Variants in YES1 observed in about 807,000 individuals in gnomAD.
YES1 encodes the protein tyrosine-protein kinase Yes.
A neutral mutation model predicts 70.4 loss-of-function variants in YES1; 39 were observed. The observed-to-expected ratio is 0.55, with a 90% CI of 0.43 to 0.72. The LOEUF (loss-of-function observed/expected upper bound fraction) is 0.72, where lower values mean the gene tolerates loss of function less well. Among genes scored for constraint, YES1 ranks in the 30% least tolerant of loss-of-function variants. The pLI, the probability that YES1 is intolerant of heterozygous loss-of-function variation, is 0.00. For missense variants in YES1, 495 were observed against 644.8 expected, an observed-to-expected ratio of 0.77 and a Z score of 2.52; for synonymous variants, 198 against 218.6, an observed-to-expected ratio of 0.91 and a Z score of 0.83.
chr18:809,765 A>G (rs1907277792), intron 1 of YES1, among the ~76,000 whole-genome samples: 1 of 133,712 alleles, frequency 7.5e-6, no homozygotes, highest in Non-Finnish European at 1.5e-5. Flanking sequence ...TGGATTCCTT[A>G]AAAAAACAAC....
intron 9 of YES1, 95 bp downstream of exon 9, chr18:739,640 C>T: frequency 1.0e-6 from 1 of 961,816 alleles, no homozygotes; most frequent in Non-Finnish European, 1.5e-6. Context: ...AAAATCCCAC[C>T]ATTTCACTAC....
At position 742,948 on chromosome 18, in the gene YES1, T is replaced by C; in HGVS notation, c.1030A>G (p.Ile344Val). The change falls in exon 8 of 12, where the codon ATT becomes GTT. Residue 344 changes from isoleucine to valine, a missense_variant. By Grantham distance (29) the Ile-to-Val change is conservative (BLOSUM62 3). This residue lies in a region of YES1 where 385 missense variants were observed against 540.9 expected (regional missense o/e 0.71). Coordinates refer to ENST00000314574, the MANE Select transcript of YES1 (RefSeq NM_005433.4). ...GACATAAATTCAGTGACAATGTAAATTGGTTCTTCAGAAACAACAGCATAT... is the reference window on the plus strand; with the variant it reads ...GACATAAATTCAGTGACAATGTAAACTGGTTCTTCAGAAACAACAGCATAT... Reference protein sequence around the residue: ...PLYAVVSEEPIYIVTEFMSKG... With the variant: ...PLYAVVSEEPVYIVTEFMSKG... 1.3e-6 allele frequency: 2 copies of C among 1,599,380 alleles called. No individual in the cohort carries two copies. The highest frequency in any genetic ancestry group is 1.7e-6 in the Non-Finnish European group (2 of 1,176,380).
chr18:790,136 G>A (rs1018140777), intron 1 of YES1, among the ~76,000 whole-genome samples: 1 of 152,174 alleles, frequency 6.6e-6, no homozygotes, highest in African/African-American at 2.4e-5. Flanking sequence ...AGCACTTTGG[G>A]AGACCAAGGT....
chr18:745,711 T>G lies in YES1; in HGVS notation c.721A>C (p.Thr241Pro). ...TACCTTTGAAATATTCACATACCTG[T>G]GTAGTGTTTCACCAATTTCTGCAGA... ...DTLQKLVKHY[T>P]EHADGLCHKL... Residue 241 changes from threonine (T) to proline (P), a missense_variant, in exon 6 of 12, where the codon ACA becomes CCA. Physicochemically the swap from Thr to Pro is conservative, Grantham distance 38. Coordinates refer to ENST00000314574, the MANE Select transcript of YES1 (RefSeq NM_005433.4). 1 of 1,608,388 alleles carries G rather than the reference T, an allele frequency of 6.2e-7. No individual in the cohort carries two copies. Among genetic ancestry groups the G allele is most frequent in the Non-Finnish European group, 8.5e-7 (1 of 1,178,602 alleles).
intron 11 of YES1, among the ~76,000 whole-genome samples, chr18:731,699 G>A (rs569367657): frequency 6.6e-6 from 1 of 152,230 alleles, no homozygotes; most frequent in South Asian, 2.1e-4. Flanking sequence ...CAGGCACGGT[G>A]GCTCACGCCT....
intron 3 of YES1, 147 bp from the exon 4 acceptor site, chr18:748,165 A>C (rs1392630305): frequency 1.6e-6 from 1 of 633,142 alleles, no homozygotes; most frequent in Admixed American, 2.6e-5. Flanking sequence ...TTAAACTCAA[A>C]GAATGATATT....
intron 1 of YES1, among the ~76,000 whole-genome samples, chr18:757,147 C>A (rs1057426922): frequency 2.6e-5 from 4 of 152,208 alleles, no homozygotes; most frequent in Non-Finnish European, 5.9e-5. Context: ...TGAATCCTGG[C>A]TTCCTACTTA....
upstream of YES1, chr18:812,479 C>T (rs1422872258): frequency 1.3e-5 from 2 of 152,154 alleles, no homozygotes; most frequent in Non-Finnish European, 1.5e-5. Context: ...GTCAGGTCCC[C>T]TCCGCGGGCT....
intron 1 of YES1, among the ~76,000 whole-genome samples, chr18:808,186 G>C (rs572826508): frequency 2.1e-4 from 32 of 152,280 alleles, no homozygotes; most frequent in African/African-American, 7.7e-4. Flanking sequence ...CAAGACAACA[G>C]TAGTGCTGCT....
At chr18:779,019 G>C (rs1309389653) in intron 1 of YES1, among the ~76,000 whole-genome samples, 2 of 152,046 alleles carry the variant, frequency 1.3e-5, no homozygotes, top group Non-Finnish European at 2.9e-5. Flanking sequence ...TGACCTTAAA[G>C]TAACCCAACT....
intron 1 of YES1, among the ~76,000 whole-genome samples, chr18:790,607 A>T (rs1906196384): frequency 6.6e-6 from 1 of 152,224 alleles, no homozygotes; most frequent in Non-Finnish European, 1.5e-5. Context: ...AGGGTACTAG[A>T]GCCACAGATG....
intron 1 of YES1, among the ~76,000 whole-genome samples, chr18:793,957 AC>A (rs1349060612): frequency 6.6e-6 from 1 of 152,200 alleles, no homozygotes; most frequent in Admixed American, 6.5e-5. Flanking sequence ...GTTCTCTCTT[AC>A]AGAATCCCAA....
At chr18:745,611 TA>T in intron 6 of YES1, 96 bp downstream of exon 6, 2 of 1,187,420 alleles carry the variant, frequency 1.7e-6, no homozygotes, top group Non-Finnish European at 2.4e-6. Context: ...TATGTGTAAA[TA>T]AGTGTGTTAA....
intron 10 of YES1, among the ~76,000 whole-genome samples, chr18:733,462 T>C (rs572735083): frequency 6.6e-6 from 1 of 152,274 alleles, no homozygotes; most frequent in East Asian, 1.9e-4. Context: ...GTGGAGGGCA[T>C]TATGCTAATC....
In YES1 at chr18:756,508, C is replaced by T. The variant is rs754184668; in HGVS notation, c.271+49G>A. ...AGACAAGCCTTAAGTATATATTACC[C>T]AAGGTGATGTTCTCAAACAGACAAC... On this transcript the variant is annotated intron_variant, in intron 2 of 11. Coordinates refer to ENST00000314574, the MANE Select transcript of YES1 (RefSeq NM_005433.4). 7 of 1,600,644 alleles carry T rather than the reference C, an allele frequency of 4.4e-6. No individual in the cohort carries two copies. The Admixed American group carries it at 8.4e-5, about 19-fold the overall frequency.
intron 1 of YES1, among the ~76,000 whole-genome samples, chr18:786,215 A>G (rs1211599920): frequency 6.7e-6 from 1 of 149,422 alleles, no homozygotes; most frequent in East Asian, 2.0e-4. Flanking sequence ...TGGTCTCCAC[A>G]CAGGAATTAC....
chr18:757,869 T>TA lies in YES1; in HGVS notation c.-8-1035dup, dbSNP rs777600210. 4.2e-3 allele frequency among the ~76,000 whole-genome samples: 593 copies of TA among 142,124 alleles called. 4 individuals are homozygous for TA. Among genetic ancestry groups the TA allele is most frequent in the African/African-American group, 0.013 (511 of 38,814 alleles). The allele number at this position is 142,124 out of a possible 152,430, so 93.2% of individuals were successfully genotyped here. ...GCATCTGGGTGATAAAATTATCTGTTAAAAAAAAAAGAAAAAGAAAGAAAA... is the reference window on the plus strand; with the variant it reads ...GCATCTGGGTGATAAAATTATCTGTTAAAAAAAAAAAGAAAAAGAAAGAAAA... On this transcript the variant is annotated intron_variant, in intron 1 of 11. Coordinates refer to ENST00000314574, the MANE Select transcript of YES1 (RefSeq NM_005433.4).
chr18:768,717 T>C (rs1164213951), intron 1 of YES1, among the ~76,000 whole-genome samples: 1 of 151,948 alleles, frequency 6.6e-6, no homozygotes, highest in Non-Finnish European at 1.5e-5. Flanking sequence ...ATTTATTTAT[T>C]TTTGAGACAG....
At chr18:747,626 T>G (rs748267139) in intron 4 of YES1, among the ~76,000 whole-genome samples, 1 of 152,068 alleles carries the variant, frequency 6.6e-6, no homozygotes, top group Non-Finnish European at 1.5e-5. Context: ...ATTTTTGAAG[T>G]GAGACAGTCT....
Sources: allele counts gnomAD v4.1 joint callset (sites outside exome capture counted in the v4.1 genomes callset), GRCh38; gene constraint gnomAD v4.1.1; regional missense constraint gnomAD v4.1.1; transcripts MANE v1.5; gene names NCBI Gene and HGNC (gene_info 2026-07-23, HGNC 2026-07-21).